KCNIP4: variants seen among roughly 807,000 people sequenced by gnomAD.
KCNIP4 encodes the protein Kv channel-interacting protein 4.
Under a neutral mutation model 34.0 loss-of-function variants are expected in KCNIP4, and 12 were observed. The observed-to-expected ratio is 0.35, with a 90% CI of 0.23 to 0.57. The LOEUF is 0.57. Ranked by LOEUF, KCNIP4 falls within the 20% of genes least tolerant of loss-of-function variation. The pLI is 0.83. For missense variants in KCNIP4, 238 were observed against 311.7 expected (o/e 0.76, Z 1.78); for synonymous variants, 124 against 102.2 (o/e 1.21, Z -1.29).
intron 1 of KCNIP4, among the ~76,000 whole-genome samples, chr4:21,237,722 AT>A (rs2109040287): frequency 6.6e-6 from 1 of 152,348 alleles, no homozygotes; most frequent in African/African-American, 2.4e-5. Context: ...AGGCTCTGAA[AT>A]TGAGGCAATA....
chr4:20,770,653 G>A (rs2149378634), intron 3 of KCNIP4, among the ~76,000 whole-genome samples: 1 of 152,266 alleles, frequency 6.6e-6, no homozygotes, highest in East Asian at 1.9e-4. Flanking sequence ...TAAAAAATAA[G>A]GCAGGTGCAG....
intron 5 of KCNIP4, among the ~76,000 whole-genome samples, chr4:20,736,809 A>G (rs1749737542): frequency 6.6e-6 from 1 of 152,232 alleles, no homozygotes; most frequent in African/African-American, 2.4e-5. Flanking sequence ...AACAGAAATA[A>G]TTGTCAAATT....
chr4:21,817,600 C>T (rs1397726955), intron 1 of KCNIP4, among the ~76,000 whole-genome samples: 1 of 152,104 alleles, frequency 6.6e-6, no homozygotes, highest in Non-Finnish European at 1.5e-5. Flanking sequence ...CTTTTCCTAG[C>T]AAGGAATGTT....
intron 1 of KCNIP4, among the ~76,000 whole-genome samples, chr4:21,626,380 GT>G (rs1194968997): frequency 1.5e-5 from 2 of 135,416 alleles, no homozygotes; most frequent in South Asian, 2.6e-4. Context: ...CAGAGAGCTT[GT>G]TTTTTTTGTT....
chr4:20,758,754 T>G, intron 4 of KCNIP4, 67 bp downstream of exon 4: 1 of 1,226,918 alleles, frequency 8.2e-7, no homozygotes, highest in African/African-American at 1.5e-5. Context: ...TATGAAAAAT[T>G]AAACTCAACA....
At chr4:21,124,024 T>TAAAAAAAC (rs1553941911) in intron 1 of KCNIP4, among the ~76,000 whole-genome samples, 1 of 136,500 alleles carries the variant, frequency 7.3e-6, no homozygotes, top group Non-Finnish European at 1.6e-5. Context: ...ACATATTTTG[T>TAAAAAAAC]AAAAAAACAA....
chr4:20,805,810 C>T (rs1021521456), intron 3 of KCNIP4, among the ~76,000 whole-genome samples: 12 of 151,976 alleles, frequency 7.9e-5, no homozygotes, highest in Non-Finnish European at 1.2e-4. Context: ...TCAAACTGAA[C>T]GGATTTCAAT....
chr4:21,241,334 A>G (rs1759798298), intron 1 of KCNIP4, among the ~76,000 whole-genome samples: 1 of 152,152 alleles, frequency 6.6e-6, no homozygotes, highest in African/African-American at 2.4e-5. Context: ...TAAAGTTTAT[A>G]TGGGTTTTCT....
At chr4:20,805,716 T>C (rs1379269559) in intron 3 of KCNIP4, among the ~76,000 whole-genome samples, 3 of 152,196 alleles carry the variant, frequency 2.0e-5, no homozygotes, top group African/African-American at 7.2e-5. Flanking sequence ...AGACAAGTCC[T>C]ATAAATCTGT....
At chr4:20,941,434 G>T (rs982669556) in intron 1 of KCNIP4, among the ~76,000 whole-genome samples, 3 of 152,162 alleles carry the variant, frequency 2.0e-5, no homozygotes, top group African/African-American at 7.2e-5. Context: ...CTTCTTAATA[G>T]AAAAGCTAGT....
At chr4:21,203,690 A>C (rs1332357906) in intron 1 of KCNIP4, among the ~76,000 whole-genome samples, 2 of 152,194 alleles carry the variant, frequency 1.3e-5, no homozygotes, top group Non-Finnish European at 2.9e-5. Context: ...AAGGCAAGTA[A>C]TCACACATCC....
At chr4:21,935,393 T>A (rs955979664) in intron 1 of KCNIP4, among the ~76,000 whole-genome samples, 6 of 152,062 alleles carry the variant, frequency 3.9e-5, no homozygotes, top group Non-Finnish European at 8.8e-5. Context: ...AAAATCCACG[T>A]TTCTTAGACT....
At chr4:20,886,544 G>C (rs1372828855) in intron 1 of KCNIP4, among the ~76,000 whole-genome samples, 1 of 152,222 alleles carries the variant, frequency 6.6e-6, no homozygotes, top group African/African-American at 2.4e-5. Flanking sequence ...GCAGGGCTGA[G>C]AATGGAATGA....
intron 1 of KCNIP4, among the ~76,000 whole-genome samples, chr4:21,485,456 T>A (rs986419618): frequency 6.6e-6 from 1 of 152,172 alleles, no homozygotes; most frequent in East Asian, 1.9e-4. Flanking sequence ...TATATTCAGA[T>A]AACATTTTGC....
intron 3 of KCNIP4, among the ~76,000 whole-genome samples, chr4:20,830,775 C>T (rs1718330823): frequency 1.3e-5 from 2 of 152,138 alleles, no homozygotes; most frequent in African/African-American, 4.8e-5. Flanking sequence ...CTCCCAAGTG[C>T]TTATTGAAGT....
chr4:21,772,920 C>T (rs58370602), intron 1 of KCNIP4, among the ~76,000 whole-genome samples: 23,947 of 152,040 alleles, frequency 0.16, 5,738 homozygotes, highest in African/African-American at 0.52. Flanking sequence ...CTATCTCATT[C>T]AGTTATGCTC....
Position 21,266,008 on chromosome 4 carries a change from A to G in KCNIP4, c.62-383299T>C, listed in dbSNP as rs544919509. Among the ~76,000 whole-genome samples, 3 of 152,360 alleles carry G rather than the reference A, an allele frequency of 2.0e-5. No homozygotes were observed. In the South Asian group the frequency reaches 6.2e-4, roughly 32 times the overall value. On this transcript the variant is annotated intron_variant, in intron 1 of 8. Coordinates refer to ENST00000382152, the MANE Select transcript of KCNIP4 (RefSeq NM_025221.6). ...GCAATTTACATATATTATCTCATTT[A>G]TATTATTATCTCACAATAATTCAAT...
chr4:21,128,653 GAA>G (rs1750813403), intron 1 of KCNIP4, among the ~76,000 whole-genome samples: 1 of 152,170 alleles, frequency 6.6e-6, no homozygotes, highest in Non-Finnish European at 1.5e-5. Context: ...TTTAGAGAAA[GAA>G]TACAGAGCTA....
chr4:21,040,389 A>C (rs746355007), intron 1 of KCNIP4, among the ~76,000 whole-genome samples: 2 of 152,194 alleles, frequency 1.3e-5, no homozygotes, highest in Non-Finnish European at 2.9e-5. Context: ...CTTCTCATGA[A>C]CATCTTAAGG....
Sources: allele counts gnomAD v4.1 joint callset (sites outside exome capture counted in the v4.1 genomes callset), GRCh38; gene constraint gnomAD v4.1.1; transcripts MANE v1.5; gene names NCBI Gene and HGNC (gene_info 2026-07-23, HGNC 2026-07-21).